RIC1: variants seen among roughly 807,000 people sequenced by gnomAD.
RIC1 encodes RIC1 partner of RAB6A GEF complex.
RIC1 carries 88 observed loss-of-function variants against 169.0 expected under a neutral mutation model. The observed-to-expected ratio is 0.52, with a 90% CI of 0.44 to 0.62. The LOEUF (loss-of-function observed/expected upper bound fraction) is 0.62, where lower values mean the gene tolerates loss of function less well. RIC1 is among the 20% of genes least tolerant of loss of function. The pLI is 0.00. For missense variants in RIC1, 1,877 were observed against 1,725.5 expected (o/e 1.09, Z -1.56); for synonymous variants, 790 against 601.5 (o/e 1.31, Z -4.59).
chr9:5,731,872 G>T (rs932817203), intron 6 of RIC1, among the ~76,000 whole-genome samples: 3 of 152,130 alleles, frequency 2.0e-5, no homozygotes, highest in African/African-American at 7.2e-5. Context: ...GAGCTGTCAG[G>T]CTTCCAGATA....
rs549840798 is a variant in RIC1 at position 5,642,288 on chromosome 9, G to A, written c.144+12835G>A. ...CCTGGAACTAGGGATGTGTTCATGC[G>A]TTGATGCAAGCACCCCTGTTGCCAC... On this transcript the variant is annotated intron_variant, in intron 1 of 25. Coordinates refer to ENST00000414202, the MANE Select transcript of RIC1 (RefSeq NM_020829.4). Among the ~76,000 whole-genome samples the A allele has an allele frequency of 1.8e-4, 26 of 144,596 alleles. 6 individuals carry two copies. The highest frequency in any genetic ancestry group is 5.6e-4 in the African/African-American group (20 of 35,400). The allele number at this position is 144,596 out of a possible 152,430, so 94.9% of individuals were successfully genotyped here. A position where few individuals can be genotyped will look rare whatever the true frequency, so the allele number is the denominator to read the frequency against.
chr9:5,664,000 T>C (rs1170962204), intron 2 of RIC1, among the ~76,000 whole-genome samples: 1 of 152,212 alleles, frequency 6.6e-6, no homozygotes, highest in Non-Finnish European at 1.5e-5. Context: ...GCAGGTCTGA[T>C]GGTTACGAAT....
At chr9:5,678,675 G>A (rs187033755) in intron 2 of RIC1, among the ~76,000 whole-genome samples, 10 of 152,054 alleles carry the variant, frequency 6.6e-5, no homozygotes, top group Non-Finnish European at 1.0e-4. Context: ...TGTATCTTTC[G>A]CCCACTTTTT....
intron 10 of RIC1, among the ~76,000 whole-genome samples, chr9:5,744,028 T>G (rs1384356698): frequency 6.9e-6 from 1 of 145,786 alleles, no homozygotes; most frequent in East Asian, 2.2e-4. Context: ...CCCCCTTTTT[T>G]CACTCATGTT....
chr9:5,642,433 C>T lies in RIC1; in HGVS notation c.144+12980C>T, dbSNP rs376832503. 1.8e-4 allele frequency among the ~76,000 whole-genome samples: 26 copies of T among 144,926 alleles called. No individual in the cohort carries two copies. In the East Asian group the frequency reaches 4.6e-3, roughly 26 times the overall value. ...TTCACTCAAGGCCCTAAGGCTCTACCATCAGCAGGTGGTGAAGCCAGCCAG... is the reference window on the plus strand; with the variant it reads ...TTCACTCAAGGCCCTAAGGCTCTACTATCAGCAGGTGGTGAAGCCAGCCAG... On this transcript the variant is annotated intron_variant, in intron 1 of 25. Transcript: ENST00000414202.
In RIC1 at chr9:5,753,664, T is replaced by C. The variant is rs776215385; in HGVS notation, c.1602+18T>C. On this transcript the variant is annotated intron_variant, in intron 14 of 25. Coordinates refer to ENST00000414202, the MANE Select transcript of RIC1 (RefSeq NM_020829.4). ...TTACCCAGGTTAGTCTTTTTTGAGA[T>C]TAAAAACCTATTTCTCAAAGTATAA... 34 of 1,273,388 alleles carry C rather than the reference T, an allele frequency of 2.7e-5. No homozygotes were observed. The highest frequency in any genetic ancestry group is 3.8e-5 in the Non-Finnish European group (34 of 886,760). The allele number at this position is 1,273,388 out of a possible 1,614,324, so 78.9% of individuals were successfully genotyped here.
At chr9:5,661,072 G>C (rs1184159137) in intron 2 of RIC1, among the ~76,000 whole-genome samples, 1 of 152,142 alleles carries the variant, frequency 6.6e-6, no homozygotes, top group Non-Finnish European at 1.5e-5. Context: ...AGTACTCCCA[G>C]CACCATATAT....
At chr9:5,722,348 A>AGAGAGAGAGTGTGT (rs374028302) in intron 6 of RIC1, among the ~76,000 whole-genome samples, 5,328 of 131,200 alleles carry the variant, frequency 0.041, 158 homozygotes, top group East Asian at 0.1. Context: ...AGAGAGAGAG[A>AGAGAGAGAGTGTGT]GTGTGTGTGT....
chr9:5,706,942 A>C (rs1822627672), intron 3 of RIC1, among the ~76,000 whole-genome samples: 1 of 152,124 alleles, frequency 6.6e-6, no homozygotes, highest in African/African-American at 2.4e-5. Context: ...AATTTTTATC[A>C]CATCCATCCT....
At chr9:5,631,707 T>C in intron 1 of RIC1, among the ~76,000 whole-genome samples, 1 of 138,102 alleles carries the variant, frequency 7.2e-6, no homozygotes, top group South Asian at 2.3e-4. Context: ...AAAAAAAAAA[T>C]CAAATATTGA....
In RIC1 at chr9:5,753,692, G is replaced by T. The variant is rs367675965; in HGVS notation, c.1602+46G>T. 1.1e-4 allele frequency: 109 copies of T among 970,770 alleles called. No individual in the cohort carries two copies. The African/African-American group carries it at 1.6e-3, about 15-fold the overall frequency. 60.1% of individuals were successfully genotyped at this position (970,770 alleles called of 1,614,324 possible). A position where few individuals can be genotyped will look rare whatever the true frequency, so the allele number is the denominator to read the frequency against. On this transcript the variant is annotated intron_variant, in intron 14 of 25. Coordinates refer to ENST00000414202, the MANE Select transcript of RIC1 (RefSeq NM_020829.4). ...AAAACCTATTTCTCAAAGTATAAGA[G>T]AACTACAATATGAAATAGCTATAAA...
chr9:5,721,542 T>C (rs1304728739), intron 6 of RIC1, among the ~76,000 whole-genome samples: 1 of 152,180 alleles, frequency 6.6e-6, no homozygotes, highest in East Asian at 1.9e-4. Flanking sequence ...GTGGGCATTA[T>C]TCAGAAAGAA....
At chr9:5,630,874 G>A (rs1817684386) in intron 1 of RIC1, among the ~76,000 whole-genome samples, 1 of 152,068 alleles carries the variant, frequency 6.6e-6, no homozygotes, top group Non-Finnish European at 1.5e-5. Flanking sequence ...TTGTTTAGGT[G>A]TATATAACTC....
intron 2 of RIC1, among the ~76,000 whole-genome samples, chr9:5,667,921 A>G (rs1178953216): frequency 6.6e-6 from 1 of 152,180 alleles, no homozygotes; most frequent in African/African-American, 2.4e-5. Context: ...TCTCTGCAGT[A>G]CCAATTTACT....
chr9:5,721,589 C>G (rs1041928258), intron 6 of RIC1, among the ~76,000 whole-genome samples: 2 of 152,340 alleles, frequency 1.3e-5, no homozygotes, highest in African/African-American at 2.4e-5. Flanking sequence ...TTATTTATCC[C>G]TCTGGATCAC....
intron 21 of RIC1, among the ~76,000 whole-genome samples, 186 bp downstream of exon 21, chr9:5,765,984 C>A (rs754241): frequency 6.6e-6 from 1 of 151,930 alleles, no homozygotes; most frequent in Non-Finnish European, 1.5e-5. Context: ...TTCACTTCAG[C>A]ACCCTCTGAA....
rs570290886 is a variant in RIC1, at chr9:5,767,929, T to G, written c.3138-1041T>G. ...ACAAGTGCTTACTACATGCCAGGCCTTATTCTAAGCATTTACATACATAGG... is the reference window on the plus strand; with the variant it reads ...ACAAGTGCTTACTACATGCCAGGCCGTATTCTAAGCATTTACATACATAGG... On this transcript the variant is annotated intron_variant, in intron 21 of 25. Transcript: ENST00000414202. 2.6e-5 allele frequency among the ~76,000 whole-genome samples: 4 copies of G among 152,350 alleles called. No individual in the cohort carries two copies. The South Asian group carries it at 8.3e-4, about 32-fold the overall frequency.
At chr9:5,757,507 A>T in intron 17 of RIC1, 56 bp downstream of exon 17, 1 of 1,571,160 alleles carries the variant, frequency 6.4e-7, no homozygotes, top group Middle Eastern at 1.7e-4. Flanking sequence ...TTAGTATTTG[A>T]GTCCATATTA....
intron 2 of RIC1, among the ~76,000 whole-genome samples, chr9:5,659,351 T>C (rs1009626165): frequency 3.9e-5 from 6 of 152,148 alleles, no homozygotes; most frequent in Non-Finnish European, 8.8e-5. Flanking sequence ...ATTTTATTGT[T>C]GTATTTCAGG....
Sources: allele counts gnomAD v4.1 joint callset (sites outside exome capture counted in the v4.1 genomes callset), GRCh38; gene constraint gnomAD v4.1.1; transcripts MANE v1.5; gene names NCBI Gene and HGNC (gene_info 2026-07-23, HGNC 2026-07-21).